Variants in LRGUK observed in about 807,000 individuals in gnomAD.
The protein encoded by LRGUK is leucine rich repeats and guanylate kinase domain containing, also known as leucine-rich repeat and guanylate kinase domain-containing protein.
A neutral mutation model predicts 76.0 loss-of-function variants in LRGUK; 65 were observed. The observed-to-expected ratio is 0.85, with a 90% CI of 0.70 to 1.05. The LOEUF (loss-of-function observed/expected upper bound fraction) is 1.05, where lower values mean the gene tolerates loss of function less well. Among genes scored for constraint, LRGUK ranks in the 50% least tolerant of loss-of-function variants. The pLI, the probability that LRGUK is intolerant of heterozygous loss-of-function variation, is 0.00. For missense variants in LRGUK, 758 were observed against 732.8 expected (o/e 1.03, Z -0.40); for synonymous variants, 268 against 265.6 (o/e 1.01, Z -0.09).
Position 134,178,484 on chromosome 7 carries a change from A to G in LRGUK, c.1108-19A>G, listed in dbSNP as rs573200242. The G allele has an allele frequency of 2.5e-6, 4 of 1,576,072 alleles. No homozygotes were observed. The East Asian group carries it at 9.0e-5, about 35-fold the overall frequency. ...AAACAAAACTTTTTTTCCCTTTTAC[A>G]TCTCTAATTCTGGAAAAGGTTTCAG... is the stretch of plus-strand genomic sequence containing the variant. On this transcript the variant is annotated intron_variant, in intron 9 of 15. Coordinates refer to ENST00000645682, the Ensembl canonical transcript of LRGUK.
chr7:134,199,359 T>C, exon 14 of LRGUK: 1 of 1,613,860 alleles, frequency 6.2e-7, no homozygotes, highest in Non-Finnish European at 8.5e-7. Flanking sequence ...GTCTCCAGAG[T>C]GGACCTTTAT....
intron 16 of LRGUK, among the ~76,000 whole-genome samples, chr7:134,231,160 T>C (rs932874487): frequency 6.6e-6 from 1 of 152,162 alleles, no homozygotes; most frequent in African/African-American, 2.4e-5. Context: ...ATCTGAAGGA[T>C]TTGAAGAGAG....
At chr7:134,235,430 C>T (rs755595315) in intron 16 of LRGUK, among the ~76,000 whole-genome samples, 15 of 152,206 alleles carry the variant, frequency 9.9e-5, no homozygotes, top group Non-Finnish European at 2.2e-4. Flanking sequence ...TATTAACTCA[C>T]ATTTTACCAC....
intron 11 of LRGUK, among the ~76,000 whole-genome samples, chr7:134,184,333 G>A (rs747658801): frequency 1.0e-4 from 15 of 150,566 alleles, no homozygotes; most frequent in Non-Finnish European, 1.3e-4. Context: ...GCAGTGGTGC[G>A]ATCTCGGCTC....
At position 134,178,935 on chromosome 7, in the gene LRGUK, A is replaced by AAAAAAAAAAAAAACC. The variant is rs1563164698; in HGVS notation, c.1214+328_1214+342dup. Among the ~76,000 whole-genome samples the AAAAAAAAAAAAAACC allele has an allele frequency of 1.6e-3, 41 of 25,480 alleles. 1 individual carries two copies. Among genetic ancestry groups the AAAAAAAAAAAAAACC allele is most frequent in the African/African-American group, 2.9e-3 (24 of 8,136 alleles). The allele number at this position is 25,480 out of a possible 152,430, so 16.7% of individuals were successfully genotyped here. A position where few individuals can be genotyped will look rare whatever the true frequency, so the allele number is the denominator to read the frequency against. ...CACAACAGTGAAATCTCAAAAAAAA[A>AAAAAAAAAAAAAACC]AAAAAAAAAAAAACCAGGACCAATT... On this transcript the variant is annotated intron_variant, in intron 10 of 15. Coordinates refer to ENST00000645682, the Ensembl canonical transcript of LRGUK.
chr7:134,258,426 G>T, intron 19 of LRGUK, 21 bp downstream of exon 19: 1 of 1,609,194 alleles, frequency 6.2e-7, no homozygotes, highest in Non-Finnish European at 8.5e-7. Context: ...GGCCAAGCGC[G>T]GTGGCTCATG....
intron 11 of LRGUK, among the ~76,000 whole-genome samples, chr7:134,190,951 TGGGA>T (rs1800215921): frequency 2.5e-5 from 1 of 40,816 alleles, no homozygotes; most frequent in Non-Finnish European, 6.2e-5. Context: ...AGCGGTGTGG[TGGGA>T]TGGGGAGGCT....
At chr7:134,258,319 A>G (rs1802634956) in exon 19 of LRGUK, 1 of 1,613,996 alleles carries the variant, frequency 6.2e-7, no homozygotes, top group South Asian at 1.1e-5. Context: ...TGGTCAAAAG[A>G]ATTGCCTTTC....
chr7:134,134,653 A>G (rs968048610), intron 1 of LRGUK, among the ~76,000 whole-genome samples: 3 of 152,228 alleles, frequency 2.0e-5, no homozygotes, highest in Non-Finnish European at 4.4e-5. Flanking sequence ...TCATAGTTCC[A>G]GGAAATGGAG....
rs71172442 is a variant in LRGUK, at chr7:134,199,982, TTATATATATATATATATATATATATATA to T, written c.1747+581_1747+608del. On this transcript the variant is annotated intron_variant, in intron 14 of 15. Transcript: ENST00000645682. Reference sequence around the variant, plus strand: ...TTCTATAGATATATTCTAGAAACTTTTATATATATATATATATATATATATATATATATATATATATATATATGTATAA... The same window carrying T: ...TTCTATAGATATATTCTAGAAACTTTTATATATATATATATATATGTATAA... Among the ~76,000 whole-genome samples, 83 of 38,418 alleles carry T rather than the reference TTATATATATATATATATATATATATATA, an allele frequency of 2.2e-3. 1 individual carries two copies. Among genetic ancestry groups the T allele is most frequent in the African/African-American group, 6.3e-3 (65 of 10,396 alleles). The allele number at this position is 38,418 out of a possible 152,430, so 25.2% of individuals were successfully genotyped here. A position where few individuals can be genotyped will look rare whatever the true frequency, so the allele number is the denominator to read the frequency against.
At chr7:134,197,073 G>A (rs1800518824) in exon 13 of LRGUK, 1 of 1,609,910 alleles carries the variant, frequency 6.2e-7, no homozygotes, top group East Asian at 2.2e-5. Context: ...CGCAAGAGAT[G>A]GTTTGGCAAG....
chr7:134,203,304 C>T (rs1167427455), intron 15 of LRGUK, among the ~76,000 whole-genome samples: 1 of 152,146 alleles, frequency 6.6e-6, no homozygotes, highest in Admixed American at 6.5e-5. Context: ...CATTCACACA[C>T]TGCATATTGT....
intron 12 of LRGUK, among the ~76,000 whole-genome samples, chr7:134,194,244 A>G (rs1255859292): frequency 6.6e-6 from 1 of 152,196 alleles, no homozygotes; most frequent in Non-Finnish European, 1.5e-5. Context: ...TGTACTATGC[A>G]AGATTCCTCC....
intron 1 of LRGUK, among the ~76,000 whole-genome samples, chr7:134,129,061 CTT>C (rs1272023918): frequency 2.0e-4 from 30 of 151,428 alleles, no homozygotes; most frequent in African/African-American, 7.0e-4. Context: ...TTTTTTCTTT[CTT>C]TCTCTTTCTT....
intron 13 of LRGUK, among the ~76,000 whole-genome samples, chr7:134,198,126 T>A (rs1338627448): frequency 6.6e-6 from 1 of 152,208 alleles, no homozygotes; most frequent in Non-Finnish European, 1.5e-5. Flanking sequence ...TCTTTAACTT[T>A]CCTGACGTAG....
At chr7:134,198,164 T>TTAA (rs1800593434) in intron 13 of LRGUK, among the ~76,000 whole-genome samples, 1 of 152,210 alleles carries the variant, frequency 6.6e-6, no homozygotes, top group African/African-American at 2.4e-5. Context: ...TTCTCAGTGA[T>TTAA]TAATTGGTTT....
downstream of LRGUK, among the ~76,000 whole-genome samples, chr7:134,265,463 G>A (rs1002632649): frequency 6.6e-6 from 1 of 152,092 alleles, no homozygotes; most frequent in Non-Finnish European, 1.5e-5. Context: ...GGGTGCTAGA[G>A]AAACTAAAAT....
At chr7:134,169,994 G>A (rs1344382384) in intron 7 of LRGUK, among the ~76,000 whole-genome samples, 1 of 151,960 alleles carries the variant, frequency 6.6e-6, no homozygotes, top group African/African-American at 2.4e-5. Context: ...TATATTATAA[G>A]CACATCTTAC....
chr7:134,150,447 C>T (rs1490602881), intron 5 of LRGUK, among the ~76,000 whole-genome samples: 2 of 142,936 alleles, frequency 1.4e-5, no homozygotes, highest in Non-Finnish European at 3.0e-5. Flanking sequence ...GGCGACAGAG[C>T]GAGACTTCGT....
Sources: gnomAD v4.1 joint callset for allele counts (sites outside exome capture counted in the v4.1 genomes callset) on GRCh38, gnomAD v4.1.1 for gene constraint, MANE v1.5 for transcripts, NCBI Gene and HGNC (gene_info 2026-07-23, HGNC 2026-07-21) for gene names.